LRRFIP1: variants seen among roughly 807,000 people sequenced by gnomAD.
LRRFIP1 encodes LRR binding FLII interacting protein 1, also known as leucine-rich repeat flightless-interacting protein 1.
A neutral mutation model predicts 104.4 loss-of-function variants in LRRFIP1; 62 were observed. The observed-to-expected ratio is 0.59, with a 90% confidence interval of 0.48 to 0.73. The LOEUF (loss-of-function observed/expected upper bound fraction) is 0.73, where lower values mean the gene tolerates loss of function less well. LRRFIP1 is among the 30% of genes least tolerant of loss of function. The pLI, the probability that LRRFIP1 is intolerant of heterozygous loss-of-function variation, is 0.00. For synonymous variants in LRRFIP1, 300 were observed against 299.0 expected, an observed-to-expected ratio of 1.00 and a Z score of -0.03; for missense variants, 796 against 824.5, an observed-to-expected ratio of 0.97 and a Z score of 0.42.
At chr2:237,700,218 G>T (rs1434179767) in intron 1 of LRRFIP1, among the ~76,000 whole-genome samples, 1 of 152,166 alleles carries the variant, frequency 6.6e-6, no homozygotes, top group Non-Finnish European at 1.5e-5. Context: ...ACTTCCTATA[G>T]CAAAGTGGCT....
chr2:237,737,822 G>C (rs2095298887), intron 10 of LRRFIP1, among the ~76,000 whole-genome samples: 1 of 152,222 alleles, frequency 6.6e-6, no homozygotes, highest in South Asian at 2.1e-4. Context: ...GTACACAGCA[G>C]TATTAATCTG....
At chr2:237,692,159 GC>G (rs1383434813) in intron 1 of LRRFIP1, 1 of 1,002,078 alleles carries the variant, frequency 1.0e-6, no homozygotes, top group African/African-American at 1.8e-5. Flanking sequence ...GGGGGGCGGG[GC>G]GGGCCGTGGG....
intron 19 of LRRFIP1, chr2:237,764,497 A>G: frequency 1.8e-6 from 2 of 1,121,874 alleles, no homozygotes; most frequent in South Asian, 3.2e-5. Context: ...ATATATCAGC[A>G]TCTAATTGAA....
chr2:237,658,242 G>A (rs976835514), intron 1 of LRRFIP1, among the ~76,000 whole-genome samples: 2 of 152,188 alleles, frequency 1.3e-5, no homozygotes, highest in Admixed American at 6.5e-5. Context: ...TGGCATGAGT[G>A]CAATTTATAT....
In LRRFIP1 at chr2:237,679,841, C is replaced by T. The variant is rs554379162; in HGVS notation, c.97-28703C>T. On this transcript the variant is annotated intron_variant, in intron 1 of 23. Transcript: ENST00000308482. ...CAGGCTGGTCTCAAACTCCTGACCT[C>T]GGGTGATCCACCCGCCTCGGCCTCC... 7.8e-4 allele frequency among the ~76,000 whole-genome samples: 118 copies of T among 152,240 alleles called. 2 individuals carry two copies. The highest frequency in any genetic ancestry group is 2.6e-3 in the African/African-American group (107 of 41,544).
Position 237,734,006 on chromosome 2 carries a change from C to T in LRRFIP1, c.489+188C>T, listed in dbSNP as rs934169999. Among the ~76,000 whole-genome samples the T allele has an allele frequency of 2.5e-4, 38 of 152,310 alleles. 1 individual carries two copies. Among genetic ancestry groups the T allele is most frequent in the Middle Eastern group, 3.4e-3 (1 of 294 alleles). The stretch of plus-strand genomic sequence containing the variant: ...GGCCAGATCTGGGTTTTCTCTCCCC[C>T]GATTGTTGACTGTAGCTGCCACACT... On this transcript the variant is annotated intron_variant, in intron 9 of 23. Coordinates refer to ENST00000308482, the MANE Select transcript of LRRFIP1 (RefSeq NM_001137550.2).
chr2:237,764,079 G>T, intron 19 of LRRFIP1: 1 of 1,614,226 alleles, frequency 6.2e-7, no homozygotes, highest in Non-Finnish European at 8.5e-7. Context: ...CCAGAAAGCA[G>T]AGAAGATACC....
intron 1 of LRRFIP1, among the ~76,000 whole-genome samples, chr2:237,705,255 A>T (rs1467466474): frequency 1.3e-5 from 2 of 152,240 alleles, no homozygotes; most frequent in Non-Finnish European, 2.9e-5. Context: ...TGAGAGCAGG[A>T]GTCACCTCAG....
chr2:237,636,114 AAT>A (rs992881405), intron 1 of LRRFIP1, among the ~76,000 whole-genome samples: 1 of 143,030 alleles, frequency 7.0e-6, no homozygotes, highest in Non-Finnish European at 1.6e-5. Flanking sequence ...AAAAAAAAAA[AAT>A]TTAAAAGAAA....
chr2:237,717,679 T>G lies in LRRFIP1; in HGVS notation c.202-83T>G. On this transcript the variant is annotated intron_variant, in intron 3 of 23. Transcript: ENST00000308482. This position sits in a 1 kb window ranked among gnomAD's most constrained non-coding sequence, Gnocchi z 4.2. ...ACACGGCTGGATGGCGGTTTGGAAATGCATGTCAGAACAGTGCCTTAGACA... is the reference window on the plus strand; with the variant it reads ...ACACGGCTGGATGGCGGTTTGGAAAGGCATGTCAGAACAGTGCCTTAGACA... The G allele has an allele frequency of 4.8e-6, 5 of 1,048,818 alleles. No individual in the cohort carries two copies. The highest frequency in any genetic ancestry group is 7.5e-6 in the Non-Finnish European group (5 of 663,990). 65.0% of individuals were successfully genotyped at this position (1,048,818 alleles called of 1,614,324 possible). A position where few individuals can be genotyped will look rare whatever the true frequency, so the allele number is the denominator to read the frequency against.
intron 1 of LRRFIP1, among the ~76,000 whole-genome samples, chr2:237,663,428 TC>T (rs11313761): frequency 0.8 from 121,431 of 151,856 alleles, 49,367 homozygotes; most frequent in East Asian, 0.97. Context: ...GGGAGTTCTT[TC>T]CCCCCCCATC....
chr2:237,771,034 T>C (rs2060571634), intron 20 of LRRFIP1, among the ~76,000 whole-genome samples: 1 of 152,176 alleles, frequency 6.6e-6, no homozygotes, highest in Non-Finnish European at 1.5e-5. Flanking sequence ...GTTCTATCCT[T>C]ACTTCCTTAA....
chr2:237,701,156 G>A (rs751699950), intron 1 of LRRFIP1, among the ~76,000 whole-genome samples: 2 of 152,180 alleles, frequency 1.3e-5, no homozygotes, highest in Non-Finnish European at 2.9e-5. Flanking sequence ...GCTGCCCAGC[G>A]AGCCTCCCGC....
At chr2:237,670,455 G>A (rs142998845) in intron 1 of LRRFIP1, among the ~76,000 whole-genome samples, 1,590 of 152,342 alleles carry the variant, frequency 0.01, 12 homozygotes, top group Middle Eastern at 0.017. Context: ...CAGCAACACC[G>A]ACAGCCCATC....
At chr2:237,723,821 T>C (rs1480794260) in intron 7 of LRRFIP1, among the ~76,000 whole-genome samples, 1 of 152,242 alleles carries the variant, frequency 6.6e-6, no homozygotes, top group African/African-American at 2.4e-5. Flanking sequence ...GCATGAACAC[T>C]CCCTCACCAG....
intron 1 of LRRFIP1, chr2:237,692,007 C>T: frequency 5.3e-6 from 1 of 189,146 alleles, no homozygotes; most frequent in Non-Finnish European, 9.0e-6. Flanking sequence ...GGGAAAGGGG[C>T]GTAACCGGGA....
At chr2:237,629,122 T>C (rs955301774) in intron 1 of LRRFIP1, among the ~76,000 whole-genome samples, 2 of 152,246 alleles carry the variant, frequency 1.3e-5, no homozygotes, top group Non-Finnish European at 2.9e-5. Flanking sequence ...ACAGGAAATA[T>C]CTTACTTTTG....
chr2:237,764,699 A>C, intron 19 of LRRFIP1: 1 of 987,300 alleles, frequency 1.0e-6, no homozygotes, highest in Middle Eastern at 5.2e-4. Flanking sequence ...GCACCTTAGA[A>C]CAATAATCAT....
chr2:237,666,563 G>T (rs2089284824), intron 1 of LRRFIP1, among the ~76,000 whole-genome samples: 1 of 108,024 alleles, frequency 9.3e-6, no homozygotes, highest in Non-Finnish European at 2.3e-5. Context: ...CTCTTCTTGG[G>T]TGTGGGGATT....
Sources: allele counts gnomAD v4.1 joint callset (sites outside exome capture counted in the v4.1 genomes callset), GRCh38; gene constraint gnomAD v4.1.1; non-coding constraint Gnocchi (gnomAD v3.1); transcripts MANE v1.5; gene names NCBI Gene and HGNC (gene_info 2026-07-23, HGNC 2026-07-21).